The following C8orf88 variants were observed in gnomAD, a reference collection of about 807,000 sequenced individuals.
C8orf88 encodes uncharacterized protein C8orf88.
C8orf88 carries 14 observed loss-of-function variants against 18.4 expected under a neutral mutation model. That is an observed-to-expected ratio of 0.76 (90% CI 0.50 to 1.19). The LOEUF is 1.19. Ranked by LOEUF, C8orf88 falls within the 50% of genes most tolerant of loss-of-function variation. The pLI is 0.00. For synonymous variants in C8orf88, 45 were observed against 42.9 expected, an observed-to-expected ratio of 1.05 and a Z score of -0.19; for missense variants, 116 against 134.7, an observed-to-expected ratio of 0.86 and a Z score of 0.69.
At chr8:90,972,403 G>A (rs980268779) in intron 3 of C8orf88, among the ~76,000 whole-genome samples, 4 of 150,478 alleles carry the variant, frequency 2.7e-5, no homozygotes, top group Admixed American at 2.0e-4. Context: ...ACTATAAAAT[G>A]GTATTCTAAA....
At chr8:90,974,277 T>C (rs1233133641) in intron 3 of C8orf88, among the ~76,000 whole-genome samples, 1 of 152,180 alleles carries the variant, frequency 6.6e-6, no homozygotes, top group African/African-American at 2.4e-5. Flanking sequence ...GACTGGCAAC[T>C]TCTATCTCCT....
intron 4 of C8orf88, among the ~76,000 whole-genome samples, chr8:90,967,934 T>C (rs1563552897): frequency 6.6e-6 from 1 of 151,848 alleles, no homozygotes; most frequent in Non-Finnish European, 1.5e-5. Context: ...AATACCTAAA[T>C]GGGAAGATTT....
chr8:90,968,787 TAACA>T (rs1266049111), intron 4 of C8orf88, among the ~76,000 whole-genome samples: 5 of 148,050 alleles, frequency 3.4e-5, no homozygotes, highest in African/African-American at 1.2e-4. Context: ...AACAACTCAA[TAACA>T]AACAACCCAG....
chr8:90,972,087 A>C (rs1811291602), intron 3 of C8orf88, among the ~76,000 whole-genome samples: 1 of 152,078 alleles, frequency 6.6e-6, no homozygotes, highest in Admixed American at 6.6e-5. Context: ...GGAGACATCT[A>C]TCCTTAAAAA....
intron 3 of C8orf88, among the ~76,000 whole-genome samples, chr8:90,973,303 G>T (rs1811308209): frequency 6.6e-6 from 1 of 152,016 alleles, no homozygotes; most frequent in Non-Finnish European, 1.5e-5. Context: ...TAATGTTTAT[G>T]GAATAAAGGA....
At chr8:90,965,782 C>T (rs1366236444) in intron 4 of C8orf88, among the ~76,000 whole-genome samples, 1 of 151,698 alleles carries the variant, frequency 6.6e-6, no homozygotes, top group Admixed American at 6.6e-5. Context: ...TCTTATACAG[C>T]CAATGCATCA....
chr8:90,967,896 T>C (rs1319519858), intron 4 of C8orf88, among the ~76,000 whole-genome samples: 2 of 151,774 alleles, frequency 1.3e-5, no homozygotes, highest in African/African-American at 4.8e-5. Context: ...CACTGAAAAC[T>C]GTAAAATATT....
chr8:90,964,383 A>G (rs1056867764), intron 4 of C8orf88, among the ~76,000 whole-genome samples: 2 of 151,732 alleles, frequency 1.3e-5, no homozygotes, highest in Non-Finnish European at 3.0e-5. Flanking sequence ...AAGTGCTGAA[A>G]TCAAAAACAT....
intron 1 of C8orf88, among the ~76,000 whole-genome samples, chr8:90,982,291 T>C (rs984161631): frequency 6.6e-6 from 1 of 152,156 alleles, no homozygotes; most frequent in Non-Finnish European, 1.5e-5. Context: ...ATTTTCTATG[T>C]AGAAGAGTAT....
At chr8:90,966,944 G>A (rs1396448232) in intron 4 of C8orf88, among the ~76,000 whole-genome samples, 1 of 151,852 alleles carries the variant, frequency 6.6e-6, no homozygotes, top group Non-Finnish European at 1.5e-5. Flanking sequence ...AAAACTCATA[G>A]GTCAAACCAT....
At chr8:90,976,610 CAG>C (rs1204070219) in intron 3 of C8orf88, among the ~76,000 whole-genome samples, 1 of 151,838 alleles carries the variant, frequency 6.6e-6, no homozygotes, top group South Asian at 2.1e-4. Flanking sequence ...ATTGATTATA[CAG>C]AGATACAAAA....
intron 4 of C8orf88, among the ~76,000 whole-genome samples, chr8:90,966,396 T>C (rs188990898): frequency 1.6e-3 from 241 of 148,714 alleles, no homozygotes; most frequent in Non-Finnish European, 2.6e-3. Flanking sequence ...GAGATATACC[T>C]AATGCTAGAT....
chr8:90,978,648 T>C lies in C8orf88; in HGVS notation c.78A>G (p.Ala26=). 1 of 1,520,032 alleles carries C rather than the reference T, an allele frequency of 6.6e-7. No homozygotes were observed. Among genetic ancestry groups the C allele is most frequent in the Non-Finnish European group, 8.8e-7 (1 of 1,136,712 alleles). The allele number at this position is 1,520,032 out of a possible 1,614,324, so 94.2% of individuals were successfully genotyped here. The change falls in exon 3 of 6, where the codon GCA becomes GCG. Residue 26 remains alanine (A), a synonymous_variant. Coordinates refer to ENST00000517562, the MANE Select transcript of C8orf88 (RefSeq NM_001190972.2). ...CGTTTTGAAAGTTGAAAGGGAACAC[T>C]GCTCCTGTTAGGAGAGGAAGAAAAC... ...PVRHLTSPPG[A]VFPFNFQNEY...
intron 4 of C8orf88, among the ~76,000 whole-genome samples, chr8:90,966,597 G>A (rs1278689313): frequency 4.1e-5 from 6 of 145,404 alleles, no homozygotes; most frequent in African/African-American, 5.0e-5. Context: ...TTTTTGAAAA[G>A]ATAAAAACTA....
intron 4 of C8orf88, among the ~76,000 whole-genome samples, chr8:90,966,359 G>C (rs1586160872): frequency 8.7e-6 from 1 of 115,536 alleles, no homozygotes; most frequent in Non-Finnish European, 1.7e-5. Flanking sequence ...GTTGTGGGGT[G>C]GGGGGAGGGG....
chr8:90,963,502 A>G (rs1811155692), intron 4 of C8orf88, among the ~76,000 whole-genome samples: 3 of 151,820 alleles, frequency 2.0e-5, no homozygotes, highest in African/African-American at 7.2e-5. Flanking sequence ...AAGGAAGCCA[A>G]GACATTGAAT....
intron 3 of C8orf88, among the ~76,000 whole-genome samples, 196 bp from the exon 4 acceptor site, chr8:90,971,337 T>G (rs970036546): frequency 1.4e-5 from 2 of 142,650 alleles, no homozygotes; most frequent in Non-Finnish European, 2.9e-5. Context: ...TATCTACAGT[T>G]TTTTTGGCAT....
rs1335544639 is a variant in C8orf88 at position 90,959,033 on chromosome 8, G to A, written c.331-3C>T. On this transcript the variant is annotated splice_region_variant and splice_polypyrimidine_tract_variant and intron_variant, in intron 5 of 5. Transcript: ENST00000517562. ...TACTTAAAACTTTGGTTGTTTTCCT[G>A]TAATATAAAAGAAAAAGTTAATTTA... The A allele has an allele frequency of 7.5e-7, 1 of 1,340,818 alleles. No individual in the cohort carries two copies. The highest frequency in any genetic ancestry group is 1.0e-6 in the Non-Finnish European group (1 of 996,804). The allele number at this position is 1,340,818 out of a possible 1,614,324, so 83.1% of individuals were successfully genotyped here.
chr8:90,962,150 C>G (rs1162336720), intron 4 of C8orf88, among the ~76,000 whole-genome samples: 1 of 151,532 alleles, frequency 6.6e-6, no homozygotes, highest in Admixed American at 6.6e-5. Flanking sequence ...TTGGGTCTGG[C>G]TTCTTTCATT....
Sources: gnomAD v4.1 joint callset for allele counts (sites outside exome capture counted in the v4.1 genomes callset) on GRCh38, gnomAD v4.1.1 for gene constraint, MANE v1.5 for transcripts, NCBI Gene and HGNC (gene_info 2026-07-23, HGNC 2026-07-21) for gene names.